AZIN2: variants seen among roughly 807,000 people sequenced by gnomAD.
AZIN2 encodes ODC antizyme inhibitor-2.
AZIN2 carries 28 observed loss-of-function variants against 47.8 expected under a neutral mutation model. That is an observed-to-expected ratio of 0.59 (90% CI 0.43 to 0.80). AZIN2 has a LOEUF of 0.80. Among genes scored for constraint, AZIN2 ranks in the 30% least tolerant of loss-of-function variants. AZIN2 has a pLI of 0.00. For synonymous variants in AZIN2, 221 were observed against 239.4 expected (o/e 0.92, Z 0.71); for missense variants, 535 against 582.5 (o/e 0.92, Z 0.84).
At chr1:33,138,374 A>T in the AZIN2 span, among the ~76,000 whole-genome samples, 1 of 152,336 alleles carries the variant, frequency 6.6e-6, no homozygotes, top group African/African-American at 2.4e-5. Flanking sequence ...CGTAGAAAAA[A>T]GGCTGGTCTA....
the AZIN2 span, among the ~76,000 whole-genome samples, chr1:33,153,565 A>G: frequency 6.6e-6 from 1 of 152,176 alleles, no homozygotes; most frequent in Non-Finnish European, 1.5e-5. Context: ...GCAACAAGGA[A>G]TGGTCCAGCC....
the AZIN2 span, among the ~76,000 whole-genome samples, chr1:33,150,786 T>C: frequency 6.6e-6 from 1 of 151,726 alleles, no homozygotes; most frequent in African/African-American, 2.4e-5. Flanking sequence ...AAGAGCTAGA[T>C]TGAGAAGAGG....
chr1:33,096,828 T>C lies in AZIN2; in HGVS notation c.875T>C (p.Ile292Thr). The C allele has an allele frequency of 6.2e-7, 1 of 1,614,198 alleles. No individual in the cohort carries two copies. ...GCCTTCACTGTGGCAGTCAGCATCA[T>C]TGCCAAGAAGGAGGTTCTGCTAGAC... ...TSAFTVAVSI[I>T]AKKEVLLDQP... Residue 292 changes from isoleucine to threonine, a missense_variant, in exon 9 of 12, where the codon ATT becomes ACT. Physicochemically the swap from Ile to Thr is moderately conservative, Grantham distance 89. Around this residue, in one of 3 missense-constraint regions of AZIN2, gnomAD observed 409 missense variants for 429.0 expected, o/e 0.95. Transcript: ENST00000294517.
chr1:33,085,930 G>T (rs779083455), intron 5 of AZIN2, among the ~76,000 whole-genome samples: 5 of 152,182 alleles, frequency 3.3e-5, no homozygotes, highest in Non-Finnish European at 7.3e-5. Context: ...GGGCCTCCAC[G>T]TGGGATGAAA....
At chr1:33,124,694 C>T (rs866705853), downstream of AZIN2, among the ~76,000 whole-genome samples, 86 of 152,154 alleles carry the variant, frequency 5.7e-4, no homozygotes, top group Admixed American at 4.1e-3. This position sits in a 1 kb window ranked among gnomAD's most constrained non-coding sequence, Gnocchi z 4.6. Context: ...CGACAGGCCT[C>T]GGTGTGTGGT....
chr1:33,154,281 T>C, the AZIN2 span, among the ~76,000 whole-genome samples: 6 of 151,554 alleles, frequency 4.0e-5, no homozygotes, highest in Non-Finnish European at 7.4e-5. Flanking sequence ...CCCTCCCCAG[T>C]CACTGACCCA....
chr1:33,136,242 CCTTTCTCTCTTTCTTTTT>C, the AZIN2 span, among the ~76,000 whole-genome samples: 14 of 148,818 alleles, frequency 9.4e-5, no homozygotes, highest in Non-Finnish European at 1.8e-4. Flanking sequence ...TCTTTCTTTT[CCTTTCTCTCTTTCTTTTT>C]CTTTCTCTCT....
At chr1:33,129,283 C>T in the AZIN2 span, among the ~76,000 whole-genome samples, 1 of 152,074 alleles carries the variant, frequency 6.6e-6, no homozygotes, top group Non-Finnish European at 1.5e-5. This position sits in a 1 kb window ranked among gnomAD's most constrained non-coding sequence, Gnocchi z 4.1. Flanking sequence ...TTCATCATAT[C>T]CCTCCTAACT....
downstream of AZIN2, among the ~76,000 whole-genome samples, chr1:33,126,687 GC>G (rs1644858571): frequency 2.0e-5 from 3 of 152,052 alleles, no homozygotes; most frequent in South Asian, 6.2e-4. Context: ...ACACTAGTGA[GC>G]CCCAGGCAGG....
At chr1:33,096,169 G>A (rs975418498) in intron 8 of AZIN2, among the ~76,000 whole-genome samples, 3 of 152,132 alleles carry the variant, frequency 2.0e-5, no homozygotes, top group African/African-American at 7.2e-5. Context: ...AAATTATAAG[G>A]AAGGGAAAAT....
chr1:33,122,589 C>T lies in AZIN2; in HGVS notation c.*2407C>T, dbSNP rs1166308830. Among the ~76,000 whole-genome samples, 1 of 152,184 alleles carries T rather than the reference C, an allele frequency of 6.6e-6. No homozygotes were observed. The highest frequency in any genetic ancestry group is 1.5e-5 in the Non-Finnish European group (1 of 68,038). ...GCAGGCGAATCTAAGCAGGGGTCTC[C>T]TGGACCCCTGGCTGCATGGGCACTG... On this transcript the variant is annotated 3_prime_UTR_variant, in exon 12 of 12. Transcript: ENST00000294517.
downstream of AZIN2, among the ~76,000 whole-genome samples, chr1:33,124,100 AGGTTGCATTG>A (rs1488957084): frequency 6.6e-6 from 1 of 152,200 alleles, no homozygotes; most frequent in African/African-American, 2.4e-5. The surrounding 1 kb of genome is among the most constrained non-coding windows in gnomAD (Gnocchi z 4.6). Context: ...TGGGAGGCGG[AGGTTGCATTG>A]AGCCGAGATC....
At chr1:33,128,712 T>C in the AZIN2 span, among the ~76,000 whole-genome samples, 1 of 152,302 alleles carries the variant, frequency 6.6e-6, no homozygotes, top group African/African-American at 2.4e-5. Flanking sequence ...TTTAATGAAG[T>C]TGGTGAGGTC....
At chr1:33,105,310 G>C (rs1643946435) in intron 10 of AZIN2, among the ~76,000 whole-genome samples, 1 of 152,144 alleles carries the variant, frequency 6.6e-6, no homozygotes, top group Non-Finnish European at 1.5e-5. Flanking sequence ...ATACTGACGT[G>C]TTAGGTGGAC....
At chr1:33,138,523 C>T in the AZIN2 span, among the ~76,000 whole-genome samples, 1 of 151,088 alleles carries the variant, frequency 6.6e-6, no homozygotes, top group Non-Finnish European at 1.5e-5. Flanking sequence ...ATTAGCACGC[C>T]CAATAATAGT....
At chr1:33,128,152 C>G (rs1436017752), downstream of AZIN2, among the ~76,000 whole-genome samples, 1 of 150,936 alleles carries the variant, frequency 6.6e-6, no homozygotes, top group Non-Finnish European at 1.5e-5. Context: ...ATTGTTTGAG[C>G]CCAGGAGTTC....
At chr1:33,144,481 T>C in the AZIN2 span, among the ~76,000 whole-genome samples, 1 of 152,344 alleles carries the variant, frequency 6.6e-6, no homozygotes, top group East Asian at 1.9e-4. Flanking sequence ...ATTTTGCGTG[T>C]ACTAAACCTC....
In AZIN2 at chr1:33,110,032, T is replaced by C. The variant is rs761148350; in HGVS notation, c.1030-7870T>C. 3.9e-5 allele frequency among the ~76,000 whole-genome samples: 6 copies of C among 152,280 alleles called. No homozygotes were observed. In the South Asian group the frequency reaches 1.0e-3, roughly 26 times the overall value. ...GAGAATCCAATAGGATGCCCTTACA[T>C]AGAGCTGAGAACCCAAAAGAAGTAC... is the stretch of plus-strand genomic sequence containing the variant. On this transcript the variant is annotated intron_variant, in intron 10 of 11. Coordinates refer to ENST00000294517, the MANE Select transcript of AZIN2 (RefSeq NM_052998.4).
At chr1:33,147,742 G>A in the AZIN2 span, 18 of 1,602,542 alleles carry the variant, frequency 1.1e-5, no homozygotes, top group South Asian at 1.1e-5. The surrounding 1 kb of genome is among the most constrained non-coding windows in gnomAD (Gnocchi z 8.1). Flanking sequence ...GGGGGTTGGA[G>A]GAGGGAGAGA....
Sources: gnomAD v4.1 joint callset for allele counts (sites outside exome capture counted in the v4.1 genomes callset) on GRCh38, gnomAD v4.1.1 for gene constraint, gnomAD v4.1.1 regional missense constraint, Gnocchi (gnomAD v3.1) non-coding constraint, MANE v1.5 for transcripts, NCBI Gene and HGNC (gene_info 2026-07-23, HGNC 2026-07-21) for gene names.